Variants in POLR1C observed in about 807,000 individuals in gnomAD.
POLR1C encodes RNA polymerase I and III subunit C, also known as DNA-directed RNA polymerases I and III subunit RPAC1.
A neutral mutation model predicts 38.3 loss-of-function variants in POLR1C; 42 were observed. The observed-to-expected ratio is 1.10, with a 90% CI of 0.86 to 1.42. The LOEUF (loss-of-function observed/expected upper bound fraction) is 1.42, where lower values mean the gene tolerates loss of function less well. POLR1C is among the 40% of genes most tolerant of loss of function. The probability of loss-of-function intolerance (pLI) is 0.00; values close to 1 mark genes in which losing one functional copy is unlikely to be tolerated. For missense variants in POLR1C, 507 were observed against 450.5 expected (o/e 1.13, Z -1.14); for synonymous variants, 163 against 163.9 (o/e 0.99, Z 0.04).
chr6:43,519,722 T>C lies in POLR1C; in HGVS notation c.266T>C (p.Val89Ala), dbSNP rs1292097035. The change falls in exon 4 of 9, where the codon GTG becomes GCG. Residue 89 changes from valine to alanine, a missense_variant. By Grantham distance (64) the Val-to-Ala change is moderately conservative. Coordinates refer to ENST00000642195, the MANE Select transcript of POLR1C (RefSeq NM_203290.4). ...ILLAEVPTMA[V>A]EKVLVYNNTS... ...CTTGGGCAGGTGCCAACTATGGCTG[T>C]GGAGAAGGTCCTGGTGTACAATAAT... is the stretch of plus-strand genomic sequence containing the variant. 2 of 1,614,212 alleles carry C rather than the reference T, an allele frequency of 1.2e-6. No individual in the cohort carries two copies. The highest frequency in any genetic ancestry group is 1.3e-5 in the African/African-American group (1 of 75,048).
rs751006626 is a variant in POLR1C, at chr6:43,520,754, T to C, written c.785T>C (p.Ile262Thr). ...AGCAGGTGCTTCTCACCTGGTGTTA[T>C]TGAGGTGCAGGAAGTCCAAGGTATG... ...ELSRCFSPGV[I>T]EVQEVQGKKV... Residue 262 changes from isoleucine (I) to threonine (T), a missense_variant, in exon 7 of 9, where the codon ATT (isoleucine) becomes ACT (threonine). Ile to Thr is a moderately conservative substitution (Grantham distance 89). Coordinates refer to ENST00000642195, the MANE Select transcript of POLR1C (RefSeq NM_203290.4). 27 of 1,613,974 alleles carry C rather than the reference T, an allele frequency of 1.7e-5. No individual in the cohort carries two copies. The highest frequency in any genetic ancestry group is 1.2e-4 in the Admixed American group (7 of 59,984).
At chr6:43,524,645 G>C (rs1561861650), downstream of POLR1C, 1 of 1,613,026 alleles carries the variant, frequency 6.2e-7, no homozygotes, top group East Asian at 2.2e-5. Flanking sequence ...GCTGATATCA[G>C]CAGGGATAAA....
At chr6:43,556,130 T>C (rs962955823) in intron 10 of POLR1C, 3 of 910,096 alleles carry the variant, frequency 3.3e-6, no homozygotes, top group Non-Finnish European at 4.7e-6. Flanking sequence ...TATTAACGAA[T>C]CCAGAAGTTT....
intron 9 of POLR1C, among the ~76,000 whole-genome samples, chr6:43,544,521 C>T (rs1483108760): frequency 1.3e-5 from 2 of 152,334 alleles, no homozygotes; most frequent in South Asian, 2.1e-4. Context: ...GGGTTGGCCA[C>T]ATAGATTCTG....
chr6:43,549,651 A>G (rs1795134752), intron 9 of POLR1C: 14 of 1,520,740 alleles, frequency 9.2e-6, no homozygotes, highest in Non-Finnish European at 9.8e-6. Context: ...ACTCATGTGA[A>G]TATCTCAGTC....
Position 43,521,436 on chromosome 6 carries a change from GTTAAATGTGCCATAAAATGAGACTTT to G in POLR1C, c.*140_*165del. The G allele has an allele frequency of 6.5e-7, 1 of 1,544,086 alleles. No individual in the cohort carries two copies. Among genetic ancestry groups the G allele is most frequent in the African/African-American group, 1.4e-5 (1 of 73,122 alleles). On this transcript the variant is annotated 3_prime_UTR_variant, in exon 9 of 9. Transcript: ENST00000642195. ...ATTCCAGCTTTAATCAATACATTTT[GTTAAATGTGCCATAAAATGAGACTTT>G]TTACGCCTTTATAAGGCCTTAGATG... is the stretch of plus-strand genomic sequence containing the variant.
At chr6:43,526,072 A>C, downstream of POLR1C, 1 of 686,354 alleles carries the variant, frequency 1.5e-6, no homozygotes. Context: ...CCTCCACATA[A>C]TGCCCATGCC....
At chr6:43,560,456 C>T (rs1239107658) in intron 10 of POLR1C, among the ~76,000 whole-genome samples, 1 of 152,174 alleles carries the variant, frequency 6.6e-6, no homozygotes, top group Admixed American at 6.5e-5. Context: ...AATGACCACC[C>T]ACTATGGACC....
chr6:43,534,521 A>C (rs1469678941), downstream of POLR1C, among the ~76,000 whole-genome samples: 1 of 152,216 alleles, frequency 6.6e-6, no homozygotes, highest in African/African-American at 2.4e-5. Context: ...CTACCTGAGC[A>C]ATTATAGGCT....
chr6:43,536,352 T>C (rs984273408), intron 9 of POLR1C, among the ~76,000 whole-genome samples: 2 of 151,512 alleles, frequency 1.3e-5, no homozygotes, highest in South Asian at 2.1e-4. Context: ...GAGGCGGAAA[T>C]TGCAGTGAGC....
intron 9 of POLR1C, among the ~76,000 whole-genome samples, chr6:43,543,560 G>A (rs1397699782): frequency 1.3e-5 from 2 of 152,126 alleles, no homozygotes; most frequent in African/African-American, 4.8e-5. Flanking sequence ...GTTGCTTCTT[G>A]ATCTGAGTGC....
chr6:43,521,049 G>C lies in POLR1C; in HGVS notation c.922+1G>C, dbSNP rs372409106. ...GCCCGGGTTCGAGATCATTATATCT[G>C]TGAGTATGAAGTGGTGAGATGAGTG... On this transcript the variant is annotated splice_donor_variant, in intron 8 of 8. Transcript: ENST00000642195. LOFTEE classifies it high-confidence loss of function. 1.0e-4 allele frequency: 167 copies of C among 1,611,800 alleles called. No individual in the cohort carries two copies. The highest frequency in any genetic ancestry group is 1.4e-4 in the Non-Finnish European group (166 of 1,177,924).
chr6:43,530,665 T>C, downstream of POLR1C: 1 of 1,610,300 alleles, frequency 6.2e-7, no homozygotes, highest in Non-Finnish European at 8.5e-7. Context: ...TTTTGGGTTA[T>C]GTAGAGACTT....
At chr6:43,526,725 C>G in intron 8 of POLR1C, 1 of 1,613,918 alleles carries the variant, frequency 6.2e-7, no homozygotes, top group Non-Finnish European at 8.5e-7. Context: ...GGTCAGCACC[C>G]TTCTTTGAAA....
chr6:43,540,648 C>T (rs938961190), intron 9 of POLR1C, among the ~76,000 whole-genome samples: 3 of 151,894 alleles, frequency 2.0e-5, no homozygotes, highest in Non-Finnish European at 2.9e-5. Flanking sequence ...AGTGACACTC[C>T]GTTTCAAAAA....
At position 43,519,812 on chromosome 6, in the gene POLR1C, C is replaced by T. The variant is rs748490341; in HGVS notation, c.356C>T (p.Pro119Leu). The change falls in exon 4 of 9, where the codon CCC becomes CTC. Residue 119 changes from proline to leucine, a missense_variant. Physicochemically the swap from Pro to Leu is moderately conservative, Grantham distance 98. Coordinates refer to ENST00000642195, the MANE Select transcript of POLR1C (RefSeq NM_203290.4). ...RLGLIPIHAD[P>L]RLFEYRNQGD... ...GGGCTCATTCCCATTCATGCTGATC[C>T]CCGTCTTTTTGAGTATCGGAACCAA... 3 of 1,614,104 alleles carry T rather than the reference C, an allele frequency of 1.9e-6. No homozygotes were observed. Among genetic ancestry groups the T allele is most frequent in the Non-Finnish European group, 1.7e-6 (2 of 1,180,012 alleles).
At chr6:43,531,678 G>C, downstream of POLR1C, 2 of 980,502 alleles carry the variant, frequency 2.0e-6, no homozygotes, top group Non-Finnish European at 3.3e-6. Flanking sequence ...GAAGATGTGT[G>C]CATGTCTGGT....
chr6:43,549,477 C>T, intron 9 of POLR1C: 1 of 1,603,572 alleles, frequency 6.2e-7, no homozygotes, highest in Non-Finnish European at 8.5e-7. Context: ...CAGCCAGGGT[C>T]CAGCAGCTTA....
intron 2 of POLR1C, among the ~76,000 whole-genome samples, chr6:43,517,994 A>G (rs1405894927): frequency 6.6e-6 from 1 of 152,238 alleles, no homozygotes; most frequent in Non-Finnish European, 1.5e-5. Context: ...GATACAAGGA[A>G]TAAAGTATGA....
Sources: allele counts gnomAD v4.1 joint callset (sites outside exome capture counted in the v4.1 genomes callset), GRCh38; gene constraint gnomAD v4.1.1; transcripts MANE v1.5; gene names NCBI Gene and HGNC (gene_info 2026-07-23, HGNC 2026-07-21).